The following LRP5 variants were observed in gnomAD, a reference collection of about 807,000 sequenced individuals.
LRP5 encodes the protein LDL receptor related protein 5, also known as low-density lipoprotein receptor-related protein 5.
Under a neutral mutation model 154.1 loss-of-function variants are expected in LRP5, and 62 were observed. The observed-to-expected ratio is 0.40, with a 90% confidence interval of 0.33 to 0.50. The LOEUF (loss-of-function observed/expected upper bound fraction) is 0.50. Ranked by LOEUF, LRP5 falls within the 20% of genes least tolerant of loss-of-function variation. LRP5 has a pLI of 0.55. For missense variants in LRP5, 1,915 were observed against 2,336.7 expected (o/e 0.82, Z 3.72); for synonymous variants, 966 against 1,011.5 (o/e 0.96, Z 0.85).
chr11:68,434,402 C>A (rs1276330651), intron 18 of LRP5, among the ~76,000 whole-genome samples: 1 of 151,270 alleles, frequency 6.6e-6, no homozygotes, highest in Non-Finnish European at 1.5e-5. Context: ...TCATTCGAGA[C>A]AGAGTCTTGC....
chr11:68,309,155 G>A (rs970364241), upstream of LRP5, among the ~76,000 whole-genome samples: 3 of 151,686 alleles, frequency 2.0e-5, no homozygotes, highest in East Asian at 1.9e-4. Context: ...GGATGGTCTC[G>A]ATCTCCTGAC....
At chr11:68,327,544 A>G (rs2098600422) in intron 1 of LRP5, among the ~76,000 whole-genome samples, 1 of 152,068 alleles carries the variant, frequency 6.6e-6, no homozygotes. Context: ...CTGGGAATTG[A>G]TCTCCCCTGT....
chr11:68,387,654 C>T (rs1419464918), intron 6 of LRP5, among the ~76,000 whole-genome samples: 1 of 152,206 alleles, frequency 6.6e-6, no homozygotes, highest in African/African-American at 2.4e-5. Context: ...GAGACCCGCC[C>T]CAGCGGCTCA....
rs534807268 is a variant in LRP5, at chr11:68,444,241, A to G, written c.4489-2195A>G. On this transcript the variant is annotated intron_variant, in intron 21 of 22. Coordinates refer to ENST00000294304, the MANE Select transcript of LRP5 (RefSeq NM_002335.4). ...CTAAGAATGCAGGAATAGGCCAGGC[A>G]TGGTGGCTCACACCTGTCATCCCAG... is the stretch of plus-strand genomic sequence containing the variant. Among the ~76,000 whole-genome samples, 7 of 152,000 alleles carry G rather than the reference A, an allele frequency of 4.6e-5. No individual in the cohort carries two copies. The East Asian group carries it at 1.4e-3, about 30-fold the overall frequency.
In LRP5 at chr11:68,439,199, G is replaced by A. The variant is rs565318517; in HGVS notation, c.4348+517G>A. 3.3e-5 allele frequency among the ~76,000 whole-genome samples: 5 copies of A among 152,328 alleles called. 1 individual carries two copies. The South Asian group carries it at 8.3e-4, about 25-fold the overall frequency. ...CCATGCTGGTTTGTATCACATGGGT[G>A]ACCATGGTATGTCTAAGAAGGTGGA... On this transcript the variant is annotated intron_variant, in intron 20 of 22. Coordinates refer to ENST00000294304, the MANE Select transcript of LRP5 (RefSeq NM_002335.4).
chr11:68,324,871 C>A (rs186735114), intron 1 of LRP5, among the ~76,000 whole-genome samples: 39 of 152,288 alleles, frequency 2.6e-4, no homozygotes, highest in African/African-American at 7.7e-4. Context: ...GATGAGAGAT[C>A]TCCAGGATCC....
chr11:68,446,827 G>A (rs2098681704), intron 22 of LRP5, among the ~76,000 whole-genome samples: 1 of 152,196 alleles, frequency 6.6e-6, no homozygotes, highest in Non-Finnish European at 1.5e-5. Context: ...TGGCGTCGAG[G>A]GGCCGGGGGC....
At chr11:68,309,076 G>A (rs2153109178), upstream of LRP5, among the ~76,000 whole-genome samples, 1 of 151,890 alleles carries the variant, frequency 6.6e-6, no homozygotes, top group East Asian at 1.9e-4. Flanking sequence ...TGGGACTACA[G>A]GTGCCCGCCA....
chr11:68,311,851 A>G (rs682429), upstream of LRP5, among the ~76,000 whole-genome samples: 44,559 of 152,188 alleles, frequency 0.29, 7,529 homozygotes, highest in South Asian at 0.59. Flanking sequence ...TGCTGGTTCC[A>G]GAGCCCCTTC....
upstream of LRP5, among the ~76,000 whole-genome samples, chr11:68,308,177 G>A (rs1369892854): frequency 1.3e-5 from 2 of 152,226 alleles, no homozygotes; most frequent in Admixed American, 6.5e-5. Flanking sequence ...GGCCTCCTCC[G>A]GCGCTGCCCT....
intron 18 of LRP5, among the ~76,000 whole-genome samples, chr11:68,434,379 TTCATTCATTCATTCATTC>T (rs1565112703): frequency 4.6e-5 from 7 of 151,952 alleles, no homozygotes; most frequent in Admixed American, 1.3e-4. Flanking sequence ...CATTCATTCA[TTCATTCATTCATTCATTC>T]GAGACAGAGT....
intron 10 of LRP5, among the ~76,000 whole-genome samples, chr11:68,410,692 T>A (rs1445118746): frequency 6.6e-6 from 1 of 152,154 alleles, no homozygotes; most frequent in Non-Finnish European, 1.5e-5. Context: ...CCAGGCGTCC[T>A]GGGGGCCCTG....
intron 2 of LRP5, among the ~76,000 whole-genome samples, chr11:68,348,651 T>C (rs1312558899): frequency 6.6e-6 from 1 of 150,728 alleles, no homozygotes; most frequent in African/African-American, 2.5e-5. Flanking sequence ...GGTGCGACTC[T>C]GAAAATGAAC....
chr11:68,432,853 G>C (rs969832531), intron 17 of LRP5, among the ~76,000 whole-genome samples: 1 of 152,196 alleles, frequency 6.6e-6, no homozygotes, highest in African/African-American at 2.4e-5. Flanking sequence ...GAGTGCTGCC[G>C]CATGCCCAGC....
chr11:68,363,138 G>A (rs985167122), intron 3 of LRP5, among the ~76,000 whole-genome samples: 1 of 152,216 alleles, frequency 6.6e-6, no homozygotes, highest in African/African-American at 2.4e-5. Context: ...AGTGCACATG[G>A]CCTGATTTGT....
rs748653025 is a variant in LRP5 at position 68,436,985 on chromosome 11, A to G, written c.4097A>G (p.Asp1366Gly). The G allele has an allele frequency of 1.2e-5, 20 of 1,613,362 alleles. No homozygotes were observed. In the South Asian group the frequency reaches 2.1e-4, roughly 17 times the overall value. ...TTCCCCGACTGTATCGACGGCTCCG[A>G]CGAGCTCATGTGTGGTGAGCCAGCT... ...DSFPDCIDGS[D>G]ELMCEITKPP... Residue 1366 changes from aspartate (D) to glycine (G), a missense_variant, in exon 19 of 23, where the codon GAC becomes GGC. Asp to Gly is a moderately conservative substitution (Grantham distance 94). Coordinates refer to ENST00000294304, the MANE Select transcript of LRP5 (RefSeq NM_002335.4).
intron 11 of LRP5, chr11:68,412,879 G>A (rs780338364): frequency 3.0e-5 from 5 of 164,188 alleles, no homozygotes; most frequent in Admixed American, 6.4e-5. Flanking sequence ...TCTCCTACTC[G>A]CCATCTGCAC....
At chr11:68,404,204 T>G in intron 8 of LRP5, 1 of 468,738 alleles carries the variant, frequency 2.1e-6, no homozygotes, top group Non-Finnish European at 4.2e-6. Flanking sequence ...GGCACAATGA[T>G]TTGTCTCTTC....
Position 68,386,951 on chromosome 11 carries a change from A to G in LRP5, c.1412+239A>G, listed in dbSNP as rs902098072. On this transcript the variant is annotated intron_variant, in intron 6 of 22. Transcript: ENST00000294304. The surrounding 1 kb of genome is among the most constrained non-coding windows in gnomAD (Gnocchi z 7.9). ...GTGGTCCGGTGCTGCTGCTGGGTCC[A>G]TGCGTAGAAAGCCCTGGAGACCTGG... is the stretch of plus-strand genomic sequence containing the variant. Among the ~76,000 whole-genome samples the G allele has an allele frequency of 7.2e-5, 11 of 152,158 alleles. No homozygotes were observed. Among genetic ancestry groups the G allele is most frequent in the Admixed American group, 1.3e-4 (2 of 15,282 alleles).
Sources: allele counts gnomAD v4.1 joint callset (sites outside exome capture counted in the v4.1 genomes callset), GRCh38; gene constraint gnomAD v4.1.1; non-coding constraint Gnocchi (gnomAD v3.1); transcripts MANE v1.5; gene names NCBI Gene and HGNC (gene_info 2026-07-23, HGNC 2026-07-21).